BNC2: variants seen among roughly 807,000 people sequenced by gnomAD.
BNC2 encodes the protein zinc finger protein basonuclin-2.
BNC2 carries 20 observed loss-of-function variants against 76.3 expected under a neutral mutation model. The ratio of observed to expected loss-of-function variants is 0.26; its 90% CI spans 0.18 to 0.38. BNC2 has a LOEUF of 0.38. BNC2 is among the 10% of genes least tolerant of loss of function. The pLI is 1.00. For missense variants in BNC2, 1,382 were observed against 1,399.8 expected (o/e 0.99, Z 0.20); for synonymous variants, 582 against 514.8 (o/e 1.13, Z -1.77).
chr9:16,675,174 C>T (rs376535842), intron 3 of BNC2, among the ~76,000 whole-genome samples: 1 of 152,142 alleles, frequency 6.6e-6, no homozygotes, highest in Non-Finnish European at 1.5e-5. Context: ...TTTCCCTCAC[C>T]TTTCCTGAGG....
intron 1 of BNC2, among the ~76,000 whole-genome samples, chr9:16,762,560 C>T (rs1047007910): frequency 1.8e-4 from 27 of 152,172 alleles, no homozygotes; most frequent in Non-Finnish European, 2.9e-4. Flanking sequence ...AACAGCAGTT[C>T]CCAGGAAATA....
chr9:16,595,936 G>C (rs1217950048), intron 3 of BNC2, among the ~76,000 whole-genome samples: 1 of 152,072 alleles, frequency 6.6e-6, no homozygotes, highest in East Asian at 1.9e-4. Context: ...GTCATCTTGG[G>C]CATGTGGACT....
At chr9:16,581,969 G>A (rs10738437) in intron 4 of BNC2, among the ~76,000 whole-genome samples, 133,153 of 152,050 alleles carry the variant, frequency 0.88, 59,007 homozygotes, top group East Asian at 0.98. Context: ...CATCACACAC[G>A]CCCTCACAAG....
At chr9:16,456,530 C>CAA (rs35557788) in intron 5 of BNC2, among the ~76,000 whole-genome samples, 103 of 107,210 alleles carry the variant, frequency 9.6e-4, no homozygotes, top group Non-Finnish European at 1.5e-3. Flanking sequence ...GACTCCGTCT[C>CAA]AAAAAAAAAA....
intron 2 of BNC2, among the ~76,000 whole-genome samples, chr9:16,729,423 A>G (rs1587359194): frequency 6.6e-6 from 1 of 152,202 alleles, no homozygotes; most frequent in East Asian, 1.9e-4. Flanking sequence ...AACAGAAAAG[A>G]GCTTCAATGG....
At chr9:16,470,163 A>G (rs183576730) in intron 5 of BNC2, among the ~76,000 whole-genome samples, 161 of 151,686 alleles carry the variant, frequency 1.1e-3, no homozygotes, top group African/African-American at 3.8e-3. Flanking sequence ...ACGCCCAGCT[A>G]ATTTTTTATA....
At chr9:16,478,255 A>C (rs960507845) in intron 5 of BNC2, among the ~76,000 whole-genome samples, 4 of 152,176 alleles carry the variant, frequency 2.6e-5, no homozygotes, top group Admixed American at 1.3e-4. Context: ...GCTTTTCTCC[A>C]GGCCAAACAC....
intron 2 of BNC2, among the ~76,000 whole-genome samples, chr9:16,732,011 C>A (rs1271093327): frequency 6.6e-6 from 1 of 151,982 alleles, no homozygotes; most frequent in Admixed American, 6.5e-5. Context: ...TAGGGAGGCA[C>A]AATGCAATTC....
At position 16,575,448 on chromosome 9, in the gene BNC2, A is replaced by G. The variant is rs1819456595; in HGVS notation, c.433+7535T>C. 7 of 985,388 alleles carry G rather than the reference A, an allele frequency of 7.1e-6. No homozygotes were observed. The South Asian group carries it at 3.3e-4, about 46-fold the overall frequency. 61.0% of individuals were successfully genotyped at this position (985,388 alleles called of 1,614,324 possible). A position where few individuals can be genotyped will look rare whatever the true frequency, so the allele number is the denominator to read the frequency against. On this transcript the variant is annotated intron_variant, in intron 4 of 6. Coordinates refer to ENST00000380672, the MANE Select transcript of BNC2 (RefSeq NM_017637.6). ...AAATCTGGGGAGCTAATAGGCAGACAGCCCAGGACTTTGAAGGGGAGGCAC... is the reference window on the plus strand; with the variant it reads ...AAATCTGGGGAGCTAATAGGCAGACGGCCCAGGACTTTGAAGGGGAGGCAC...
chr9:16,626,517 G>A (rs1377989385), intron 3 of BNC2: 1 of 152,144 alleles, frequency 6.6e-6, no homozygotes, highest in East Asian at 1.9e-4. Flanking sequence ...TAGCAGTCAT[G>A]AGGAGGGTGA....
chr9:16,843,335 C>G (rs1818881310), intron 1 of BNC2, among the ~76,000 whole-genome samples: 1 of 152,126 alleles, frequency 6.6e-6, no homozygotes, highest in Non-Finnish European at 1.5e-5. Flanking sequence ...AGATACATTC[C>G]TTTTTTGTGT....
At chr9:16,867,489 G>A (rs1032020077) in intron 1 of BNC2, 1 of 152,132 alleles carries the variant, frequency 6.6e-6, no homozygotes, top group Admixed American at 6.6e-5. Flanking sequence ...TCAAACAAGT[G>A]AATGTGAACA....
At chr9:16,656,264 C>T (rs1587279654) in intron 3 of BNC2, among the ~76,000 whole-genome samples, 1 of 152,156 alleles carries the variant, frequency 6.6e-6, no homozygotes, top group Non-Finnish European at 1.5e-5. Context: ...AAAGGGAGAA[C>T]TCTACTCACC....
At chr9:16,591,048 C>T (rs766256421) in intron 3 of BNC2, among the ~76,000 whole-genome samples, 1 of 152,096 alleles carries the variant, frequency 6.6e-6, no homozygotes, top group African/African-American at 2.4e-5. Flanking sequence ...TCAAACATTG[C>T]CACAAAGACT....
At chr9:16,584,356 G>C (rs540201368) in intron 3 of BNC2, among the ~76,000 whole-genome samples, 1 of 152,128 alleles carries the variant, frequency 6.6e-6, no homozygotes, top group Non-Finnish European at 1.5e-5. Context: ...ACATGACTGG[G>C]ACAAATTCCA....
chr9:16,681,851 AGAATCT>A (rs1350856326), intron 3 of BNC2, among the ~76,000 whole-genome samples: 1 of 152,212 alleles, frequency 6.6e-6, no homozygotes, highest in Admixed American at 6.5e-5. Flanking sequence ...GTCAATAAAC[AGAATCT>A]GAATGAAAGA....
intron 3 of BNC2, among the ~76,000 whole-genome samples, chr9:16,723,331 A>C (rs970792404): frequency 1.8e-4 from 28 of 152,140 alleles, no homozygotes; most frequent in African/African-American, 6.8e-4. Flanking sequence ...AAGAATATAC[A>C]TCCTATGTAA....
intron 5 of BNC2, among the ~76,000 whole-genome samples, chr9:16,514,891 G>C (rs1389709569): frequency 1.3e-5 from 2 of 152,140 alleles, no homozygotes; most frequent in Admixed American, 6.5e-5. Flanking sequence ...TGGATAAGCA[G>C]ATCATCTTGA....
intron 3 of BNC2, among the ~76,000 whole-genome samples, chr9:16,692,687 A>T (rs1214049243): frequency 2.6e-5 from 4 of 152,166 alleles, no homozygotes; most frequent in African/African-American, 9.7e-5. Context: ...ATTATAAGCA[A>T]CTGGGGAAAC....
Sources: allele counts gnomAD v4.1 joint callset (sites outside exome capture counted in the v4.1 genomes callset), GRCh38; gene constraint gnomAD v4.1.1; transcripts MANE v1.5; gene names NCBI Gene and HGNC (gene_info 2026-07-23, HGNC 2026-07-21).